Variants in ELP4 observed in about 807,000 individuals in gnomAD.
The protein encoded by ELP4 is elongator complex protein 4.
A neutral mutation model predicts 48.9 loss-of-function variants in ELP4; 51 were observed. The ratio of observed to expected loss-of-function variants is 1.04; its 90% CI spans 0.83 to 1.32. The LOEUF (loss-of-function observed/expected upper bound fraction) is 1.32. ELP4 is among the 40% of genes most tolerant of loss of function. ELP4 has a pLI of 0.00. For missense variants in ELP4, 519 were observed against 514.6 expected (o/e 1.01, Z -0.08); for synonymous variants, 210 against 189.2 (o/e 1.11, Z -0.90).
At chr11:31,611,984 A>G (rs1052157178) in intron 5 of ELP4, among the ~76,000 whole-genome samples, 52 of 152,312 alleles carry the variant, frequency 3.4e-4, no homozygotes, top group African/African-American at 1.2e-3. Context: ...GCCAAGAAGT[A>G]TTATTGTCAG....
chr11:31,532,322 A>G (rs946726239), intron 2 of ELP4, among the ~76,000 whole-genome samples: 1 of 152,242 alleles, frequency 6.6e-6, no homozygotes, highest in African/African-American at 2.4e-5. Context: ...AGTTAACAAT[A>G]TGCAAATAAA....
At chr11:31,536,499 G>C (rs996449043) in intron 2 of ELP4, among the ~76,000 whole-genome samples, 2 of 152,062 alleles carry the variant, frequency 1.3e-5, no homozygotes, top group Non-Finnish European at 2.9e-5. Context: ...TTATACGCAT[G>C]TGCAAGCATT....
At chr11:31,559,387 T>C (rs1956979090) in intron 3 of ELP4, among the ~76,000 whole-genome samples, 1 of 152,234 alleles carries the variant, frequency 6.6e-6, no homozygotes, top group African/African-American at 2.4e-5. Flanking sequence ...GTTTATATAA[T>C]ATTCATCTTA....
intron 9 of ELP4, among the ~76,000 whole-genome samples, chr11:31,737,490 T>G (rs1162695802): frequency 6.6e-6 from 1 of 151,324 alleles, no homozygotes; most frequent in African/African-American, 2.4e-5. Flanking sequence ...AAAATAAAAA[T>G]AAAAAATAAA....
At chr11:31,682,510 T>C (rs569284745) in intron 9 of ELP4, among the ~76,000 whole-genome samples, 1 of 152,038 alleles carries the variant, frequency 6.6e-6, no homozygotes, top group African/African-American at 2.4e-5. Context: ...TAAATTGACC[T>C]TTTTTTTGTA....
intron 9 of ELP4, among the ~76,000 whole-genome samples, chr11:31,735,877 T>A (rs1432405645): frequency 1.3e-5 from 2 of 152,126 alleles, no homozygotes; most frequent in African/African-American, 4.8e-5. Flanking sequence ...GAAGAATCAA[T>A]ATCGTGAAAA....
chr11:31,598,128 G>A (rs900737805), intron 4 of ELP4, among the ~76,000 whole-genome samples: 5 of 151,536 alleles, frequency 3.3e-5, no homozygotes, highest in Non-Finnish European at 7.4e-5. Context: ...GATAATTTTT[G>A]TATTTTTAAT....
chr11:31,750,135 A>T (rs755050795), intron 9 of ELP4, among the ~76,000 whole-genome samples: 3 of 151,702 alleles, frequency 2.0e-5, no homozygotes, highest in South Asian at 4.2e-4. Flanking sequence ...AAGTGCTGGG[A>T]CTATAGGTGT....
At chr11:31,581,752 CTTT>C (rs111876394) in intron 3 of ELP4, among the ~76,000 whole-genome samples, 1 of 140,164 alleles carries the variant, frequency 7.1e-6, no homozygotes, top group African/African-American at 2.7e-5. Flanking sequence ...CATGTTCTGT[CTTT>C]TTTTTTTTTT....
chr11:31,580,014 T>G (rs1288755115), intron 3 of ELP4, among the ~76,000 whole-genome samples: 1 of 152,184 alleles, frequency 6.6e-6, no homozygotes, highest in Non-Finnish European at 1.5e-5. Context: ...TTATAGTGAA[T>G]GCAATATGCC....
intron 2 of ELP4, among the ~76,000 whole-genome samples, chr11:31,528,709 A>G (rs1409489602): frequency 6.6e-6 from 1 of 152,128 alleles, no homozygotes; most frequent in Non-Finnish European, 1.5e-5. Context: ...GTTTAGAATT[A>G]GTACCATTAA....
chr11:31,618,992 T>C (rs143092747), intron 5 of ELP4, among the ~76,000 whole-genome samples: 3 of 152,096 alleles, frequency 2.0e-5, no homozygotes, highest in African/African-American at 7.2e-5. Context: ...ATGGGGGTGG[T>C]CACATACTAC....
At chr11:31,696,728 C>A (rs1253177147) in intron 9 of ELP4, among the ~76,000 whole-genome samples, 1 of 152,104 alleles carries the variant, frequency 6.6e-6, no homozygotes, top group Non-Finnish European at 1.5e-5. Context: ...AAAGACCATC[C>A]ATGCTAGGAG....
intron 2 of ELP4, among the ~76,000 whole-genome samples, chr11:31,524,517 A>G (rs1956267946): frequency 6.6e-6 from 1 of 152,242 alleles, no homozygotes; most frequent in Non-Finnish European, 1.5e-5. Context: ...TCTCTTGGTT[A>G]GAAGCAAGTT....
intron 9 of ELP4, among the ~76,000 whole-genome samples, chr11:31,672,005 T>C (rs1329907927): frequency 6.6e-6 from 1 of 152,016 alleles, no homozygotes; most frequent in Non-Finnish European, 1.5e-5. Flanking sequence ...GGCTTTTGGC[T>C]GCTTAGTGTT....
intron 9 of ELP4, among the ~76,000 whole-genome samples, chr11:31,733,832 TG>T (rs543610199): frequency 4.2e-4 from 64 of 152,254 alleles, no homozygotes; most frequent in African/African-American, 1.4e-3. Context: ...TACAAAAAAT[TG>T]AAGAGTAGGG....
intron 3 of ELP4, among the ~76,000 whole-genome samples, chr11:31,552,719 A>C (rs1329570284): frequency 6.6e-6 from 1 of 152,076 alleles, no homozygotes; most frequent in African/African-American, 2.4e-5. Context: ...CAAAATATTC[A>C]GTGAGCCTCT....
intron 9 of ELP4, among the ~76,000 whole-genome samples, chr11:31,735,503 G>A (rs1947292252): frequency 6.6e-6 from 1 of 152,120 alleles, no homozygotes; most frequent in Admixed American, 6.6e-5. Context: ...GGAAATACAG[G>A]GCATTCAACT....
chr11:31,604,112 C>G (rs1957829127), intron 5 of ELP4, among the ~76,000 whole-genome samples: 1 of 151,644 alleles, frequency 6.6e-6, no homozygotes, highest in Admixed American at 6.6e-5. Context: ...GGTCCTGTAA[C>G]TGCTGAAACC....
Sources: allele counts gnomAD v4.1 joint callset (sites outside exome capture counted in the v4.1 genomes callset), GRCh38; gene constraint gnomAD v4.1.1; transcripts MANE v1.5; gene names NCBI Gene and HGNC (gene_info 2026-07-23, HGNC 2026-07-21).